ESCO1: variants seen among roughly 807,000 people sequenced by gnomAD.
ESCO1 encodes N-acetyltransferase ESCO1.
A neutral mutation model predicts 83.5 loss-of-function variants in ESCO1; 33 were observed. The observed-to-expected ratio is 0.40, with a 90% CI of 0.30 to 0.53. ESCO1 has a LOEUF of 0.53. ESCO1 is among the 20% of genes least tolerant of loss of function. The pLI, the probability that ESCO1 is intolerant of heterozygous loss-of-function variation, is 0.63. For missense variants in ESCO1, 855 were observed against 968.0 expected (o/e 0.88, Z 1.55); for synonymous variants, 332 against 324.3 (o/e 1.02, Z -0.25).
intron 8 of ESCO1, among the ~76,000 whole-genome samples, chr18:21,554,801 T>C (rs890061835): frequency 7.9e-5 from 12 of 151,518 alleles, no homozygotes; most frequent in Non-Finnish European, 1.8e-4. Flanking sequence ...CACAGCTACT[T>C]AGGAGGCTGA....
At chr18:21,586,130 T>C (rs1005730916) in intron 1 of ESCO1, among the ~76,000 whole-genome samples, 2 of 152,202 alleles carry the variant, frequency 1.3e-5, no homozygotes, top group Non-Finnish European at 2.9e-5. Context: ...CTAGAACTTA[T>C]TCCTTCTAAC....
chr18:21,539,941 G>T lies in ESCO1; in HGVS notation c.2022C>A (p.Asp674Glu). Reference protein sequence around the residue: ...DGRIIMVLPEDPKYALKKVDE... With the variant: ...DGRIIMVLPEEPKYALKKVDE... ...TTACCTTTTTCAGGGCATACTTTGG[G>T]TCTTCAGGAAGAACCATTATTATCC... The change falls in exon 9 of 12, where the codon GAC becomes GAA. Residue 674 changes from aspartate (D) to glutamate (E), a missense_variant. Coordinates refer to ENST00000269214, the MANE Select transcript of ESCO1 (RefSeq NM_052911.3). 1 of 1,613,362 alleles carries T rather than the reference G, an allele frequency of 6.2e-7. No individual in the cohort carries two copies. Among genetic ancestry groups the T allele is most frequent in the Non-Finnish European group, 8.5e-7 (1 of 1,179,768 alleles).
intron 1 of ESCO1, among the ~76,000 whole-genome samples, chr18:21,586,870 T>C (rs778554916): frequency 3.9e-5 from 6 of 152,346 alleles, no homozygotes; most frequent in Non-Finnish European, 5.9e-5. Flanking sequence ...CAGTCTTGCA[T>C]ACTGTTAGGT....
intron 8 of ESCO1, among the ~76,000 whole-genome samples, chr18:21,546,316 G>A (rs1240134052): frequency 6.6e-6 from 1 of 152,150 alleles, no homozygotes; most frequent in Non-Finnish European, 1.5e-5. Context: ...GAGAGGTAGA[G>A]GAAGGAGGAT....
intron 1 of ESCO1, among the ~76,000 whole-genome samples, chr18:21,594,775 T>G (rs1427979557): frequency 2.6e-5 from 4 of 152,170 alleles, no homozygotes; most frequent in Admixed American, 2.6e-4. Flanking sequence ...CAGTGTCTTG[T>G]GATAACAACA....
chr18:21,536,664 C>T (rs1161517811), intron 9 of ESCO1, among the ~76,000 whole-genome samples: 1 of 151,564 alleles, frequency 6.6e-6, no homozygotes, highest in African/African-American at 2.4e-5. Flanking sequence ...CTTTGGAACA[C>T]TTTGCAAAAT....
At chr18:21,542,315 T>C (rs1263629632) in intron 8 of ESCO1, among the ~76,000 whole-genome samples, 2 of 152,138 alleles carry the variant, frequency 1.3e-5, no homozygotes, top group Admixed American at 6.5e-5. Flanking sequence ...GCCTCCCAAG[T>C]AGCTGGGACT....
intron 1 of ESCO1, among the ~76,000 whole-genome samples, chr18:21,587,479 A>G (rs1230345801): frequency 1.3e-5 from 2 of 152,138 alleles, no homozygotes; most frequent in Non-Finnish European, 2.9e-5. Context: ...GTTTATAAGA[A>G]CTTGTCTATT....
At chr18:21,591,877 G>C (rs1487118124) in intron 1 of ESCO1, among the ~76,000 whole-genome samples, 1 of 151,078 alleles carries the variant, frequency 6.6e-6, no homozygotes, top group Non-Finnish European at 1.5e-5. Context: ...GACTCTTAAC[G>C]AGCATGCTGC....
chr18:21,565,450 A>G (rs1159921278), intron 6 of ESCO1, among the ~76,000 whole-genome samples: 1 of 152,252 alleles, frequency 6.6e-6, no homozygotes, highest in African/African-American at 2.4e-5. Context: ...ACTTTGGAGG[A>G]AAGTCTGACA....
intron 8 of ESCO1, among the ~76,000 whole-genome samples, chr18:21,551,903 A>G (rs1161602942): frequency 6.6e-6 from 1 of 152,194 alleles, no homozygotes; most frequent in Non-Finnish European, 1.5e-5. Context: ...CACAGTTAAG[A>G]CAAAAGAAAA....
At position 21,532,491 on chromosome 18, in the gene ESCO1, C is replaced by T. The variant is rs757479794; in HGVS notation, c.2357G>A (p.Arg786His). Residue 786 changes from arginine to histidine, a missense_variant, in exon 11 of 12, where the codon CGC (arginine) becomes CAC (histidine). Coordinates refer to ENST00000269214, the MANE Select transcript of ESCO1 (RefSeq NM_052911.3). ...SMMRRKKIAS[R>H]MIECLRSNFI... ...AAGTTACCTTAGGCATTCAATCATGCGAGAAGCAATTTTCTTCCGACGCAT... is the reference window on the plus strand; with the variant it reads ...AAGTTACCTTAGGCATTCAATCATGTGAGAAGCAATTTTCTTCCGACGCAT... 2 of 1,612,154 alleles carry T rather than the reference C, an allele frequency of 1.2e-6. No homozygotes were observed. Among genetic ancestry groups the T allele is most frequent in the Admixed American group, 1.7e-5 (1 of 59,912 alleles).
chr18:21,600,237 CTGGCGCTGCCCCGGTGCTAGCAA>C (rs1465763964), intron 1 of ESCO1, among the ~76,000 whole-genome samples: 1 of 152,254 alleles, frequency 6.6e-6, no homozygotes. Flanking sequence ...GGGACCAGCA[CTGGCGCTGCCCCGGTGCTAGCAA>C]TGGCTGCGCG....
intron 8 of ESCO1, among the ~76,000 whole-genome samples, chr18:21,550,308 T>C (rs1023887762): frequency 6.6e-6 from 1 of 152,250 alleles, no homozygotes; most frequent in African/African-American, 2.4e-5. Context: ...TTTAGTTAAC[T>C]GATCCAATTT....
intron 8 of ESCO1, among the ~76,000 whole-genome samples, chr18:21,541,188 A>G (rs987696764): frequency 1.3e-5 from 2 of 152,218 alleles, no homozygotes; most frequent in Non-Finnish European, 2.9e-5. Context: ...GATTAAAATT[A>G]TGATTGGTAA....
At chr18:21,560,260 T>A (rs2038165311) in intron 8 of ESCO1, among the ~76,000 whole-genome samples, 1 of 152,022 alleles carries the variant, frequency 6.6e-6, no homozygotes, top group Admixed American at 6.6e-5. Flanking sequence ...ATAATACCCA[T>A]TATGCCTAAA....
intron 1 of ESCO1, among the ~76,000 whole-genome samples, chr18:21,598,225 C>T (rs993095074): frequency 6.6e-6 from 1 of 152,120 alleles, no homozygotes; most frequent in Non-Finnish European, 1.5e-5. Context: ...AACTGTGCAG[C>T]GCTGGTCACG....
chr18:21,586,497 T>C (rs2038578459), intron 1 of ESCO1, among the ~76,000 whole-genome samples: 1 of 152,248 alleles, frequency 6.6e-6, no homozygotes, highest in Non-Finnish European at 1.5e-5. Context: ...CAGGTATCTC[T>C]TCCATATACT....
rs966185718 is a variant in ESCO1, at chr18:21,546,370, G to A, written c.1954-6361C>T. ...CTAGACCAGCCTGTTAGAGCAGCAT[G>A]GTGAAACCCTGCCTCCACCAAAAAC... On this transcript the variant is annotated intron_variant, in intron 8 of 11. Transcript: ENST00000269214. Among the ~76,000 whole-genome samples the A allele has an allele frequency of 2.0e-5, 3 of 150,740 alleles. No homozygotes were observed. The East Asian group carries it at 5.9e-4, about 30-fold the overall frequency.
Sources: allele counts gnomAD v4.1 joint callset (sites outside exome capture counted in the v4.1 genomes callset), GRCh38; gene constraint gnomAD v4.1.1; transcripts MANE v1.5; gene names NCBI Gene and HGNC (gene_info 2026-07-23, HGNC 2026-07-21).